The following TPD52 variants were observed in gnomAD, a reference collection of about 807,000 sequenced individuals.
TPD52 encodes the protein tumor protein D52.
In TPD52, 17 loss-of-function variants were observed where a neutral mutation model predicts 31.3. That is an observed-to-expected ratio of 0.54 (90% CI 0.37 to 0.82). The LOEUF is 0.82. Among genes scored for constraint, TPD52 ranks in the 40% least tolerant of loss-of-function variants. The probability of loss-of-function intolerance (pLI) is 0.00; values close to 1 mark genes in which losing one functional copy is unlikely to be tolerated. For synonymous variants in TPD52, 83 were observed against 89.6 expected, an observed-to-expected ratio of 0.93 and a Z score of 0.42; for missense variants, 212 against 240.1, an observed-to-expected ratio of 0.88 and a Z score of 0.77.
chr8:80,127,339 T>C (rs540114261), intron 1 of TPD52, among the ~76,000 whole-genome samples: 1 of 152,338 alleles, frequency 6.6e-6, no homozygotes, highest in South Asian at 2.1e-4. Context: ...ATAACTTCAC[T>C]TCGTTCACGT....
At chr8:80,031,388 C>A (rs752074949), downstream of TPD52, among the ~76,000 whole-genome samples, 10 of 152,216 alleles carry the variant, frequency 6.6e-5, no homozygotes, top group Non-Finnish European at 1.3e-4. Flanking sequence ...GTAGTCCTTA[C>A]AAATTCATTA....
At chr8:80,140,849 C>T (rs1563656059) in intron 1 of TPD52, among the ~76,000 whole-genome samples, 1 of 152,066 alleles carries the variant, frequency 6.6e-6, no homozygotes, top group Non-Finnish European at 1.5e-5. Context: ...GAGTGGGTCA[C>T]CTCAGATTTG....
chr8:80,169,529 T>A (rs1292387043), intron 1 of TPD52, among the ~76,000 whole-genome samples: 1 of 152,230 alleles, frequency 6.6e-6, no homozygotes, highest in Non-Finnish European at 1.5e-5. Flanking sequence ...TACCAATGAC[T>A]GTTGATTCTT....
Position 80,126,482 on chromosome 8 carries a change from T to TTC in TPD52, c.19+44942_19+44943insGA, listed in dbSNP as rs1396008809. Among the ~76,000 whole-genome samples, 3 of 146,394 alleles carry TTC rather than the reference T, an allele frequency of 2.0e-5. 1 individual carries two copies. The East Asian group carries it at 5.9e-4, about 29-fold the overall frequency. ...CTTTTGAAGATAAAAGTTTATAATT[T>TTC]TTTTTTTTTTTTTTTTTGAGACAGG... On this transcript the variant is annotated intron_variant, in intron 1 of 7. Transcript: ENST00000518937.
intron 1 of TPD52, among the ~76,000 whole-genome samples, chr8:80,168,067 A>G (rs1811834194): frequency 2.0e-5 from 3 of 151,842 alleles, no homozygotes; most frequent in South Asian, 4.2e-4. Flanking sequence ...ATGCTTGGAA[A>G]CTCTTGAAAG....
chr8:80,072,137 G>A (rs941927612), intron 1 of TPD52, among the ~76,000 whole-genome samples: 7 of 152,122 alleles, frequency 4.6e-5, no homozygotes, highest in African/African-American at 1.7e-4. Context: ...GGTGAAACCC[G>A]TCTCAACTAA....
At chr8:80,057,418 A>T (rs1420385233) in intron 2 of TPD52, among the ~76,000 whole-genome samples, 1 of 152,232 alleles carries the variant, frequency 6.6e-6, no homozygotes, top group African/African-American at 2.4e-5. Context: ...ACAATAGCAA[A>T]GACATGAAAC....
chr8:80,057,022 C>A (rs1163529765), intron 2 of TPD52, among the ~76,000 whole-genome samples: 1 of 152,018 alleles, frequency 6.6e-6, no homozygotes, highest in Non-Finnish European at 1.5e-5. Flanking sequence ...CAAAAATTAG[C>A]CAGGCATGGT....
intron 1 of TPD52, among the ~76,000 whole-genome samples, chr8:80,103,611 C>A (rs1806900813): frequency 6.6e-6 from 1 of 152,076 alleles, no homozygotes; most frequent in Non-Finnish European, 1.5e-5. Flanking sequence ...ATACAGTTAC[C>A]CCACAGAGCC....
intron 1 of TPD52, among the ~76,000 whole-genome samples, chr8:80,154,738 CA>C (rs1810822581): frequency 4.1e-5 from 3 of 73,730 alleles, no homozygotes; most frequent in Non-Finnish European, 1.1e-4. Context: ...CACACACACA[CA>C]CACACACACA....
intron 1 of TPD52, among the ~76,000 whole-genome samples, chr8:80,073,148 CA>C (rs990290882): frequency 1.3e-5 from 2 of 151,718 alleles, no homozygotes; most frequent in Non-Finnish European, 2.9e-5. Flanking sequence ...GGTATTAACT[CA>C]AAAAAAATTT....
At chr8:80,096,796 T>C (rs1014113559) in intron 1 of TPD52, among the ~76,000 whole-genome samples, 1 of 152,136 alleles carries the variant, frequency 6.6e-6, no homozygotes, top group African/African-American at 2.4e-5. Flanking sequence ...CTCCCTCTCC[T>C]CAGGCCTCCC....
chr8:80,068,507 A>G (rs1813412104), intron 1 of TPD52, among the ~76,000 whole-genome samples: 1 of 152,250 alleles, frequency 6.6e-6, no homozygotes, highest in East Asian at 1.9e-4. Flanking sequence ...AATGAGTGAT[A>G]ATTTCTTCCA....
At chr8:80,069,994 A>G (rs1056646571) in intron 1 of TPD52, among the ~76,000 whole-genome samples, 2 of 152,224 alleles carry the variant, frequency 1.3e-5, no homozygotes, top group Non-Finnish European at 2.9e-5. Flanking sequence ...AGTCAATGTT[A>G]ATATTGCATC....
chr8:80,132,517 T>C (rs544545609), intron 1 of TPD52, among the ~76,000 whole-genome samples: 17 of 152,330 alleles, frequency 1.1e-4, no homozygotes, highest in African/African-American at 4.1e-4. Flanking sequence ...CGAAAATCTA[T>C]TTCATTCGGT....
intron 7 of TPD52, chr8:80,042,295 CAAGA>C: frequency 5.1e-6 from 5 of 985,262 alleles, no homozygotes; most frequent in Non-Finnish European, 6.0e-6. Flanking sequence ...TAATTGTTGA[CAAGA>C]AAGTTATATT....
At chr8:80,103,884 T>C (rs1806916510) in intron 1 of TPD52, among the ~76,000 whole-genome samples, 1 of 152,174 alleles carries the variant, frequency 6.6e-6, no homozygotes, top group South Asian at 2.1e-4. Flanking sequence ...TGAGTTTATT[T>C]AAATCCAGAG....
Position 80,171,550 on chromosome 8 carries a change from G to A in TPD52, c.-107C>T. 1 of 1,361,144 alleles carries A rather than the reference G, an allele frequency of 7.3e-7. No homozygotes were observed. The highest frequency in any genetic ancestry group is 9.5e-7 in the Non-Finnish European group (1 of 1,057,932). The allele number at this position is 1,361,144 out of a possible 1,614,324, so 84.3% of individuals were successfully genotyped here. On this transcript the variant is annotated 5_prime_UTR_variant, in exon 1 of 8. Coordinates refer to ENST00000518937, the MANE Select transcript of TPD52 (RefSeq NM_001025253.3). ...AGAGCTCCTCCTCGCCTCCGCCGGC[G>A]ACTCCCGCGAAGTCCCCACCCCCAG... is the stretch of plus-strand genomic sequence containing the variant.
intron 6 of TPD52, among the ~76,000 whole-genome samples, chr8:80,043,161 A>T (rs1244177650): frequency 1.3e-5 from 2 of 152,176 alleles, no homozygotes; most frequent in Non-Finnish European, 2.9e-5. Flanking sequence ...GCAGCATAAT[A>T]GACTGGGAAA....
Sources: gnomAD v4.1 joint callset for allele counts (sites outside exome capture counted in the v4.1 genomes callset) on GRCh38, gnomAD v4.1.1 for gene constraint, MANE v1.5 for transcripts, NCBI Gene and HGNC (gene_info 2026-07-23, HGNC 2026-07-21) for gene names.